Variants in NEMF observed in about 807,000 individuals in gnomAD.
NEMF encodes the protein nuclear export mediator factor.
In NEMF, 89 loss-of-function variants were observed where a neutral mutation model predicts 162.2. The ratio of observed to expected loss-of-function variants is 0.55; its 90% CI spans 0.46 to 0.65. NEMF has a LOEUF of 0.65. NEMF is among the 30% of genes least tolerant of loss of function. The pLI is 0.00. For synonymous variants in NEMF, 421 were observed against 404.5 expected (o/e 1.04, Z -0.49); for missense variants, 1,133 against 1,261.9 (o/e 0.90, Z 1.55).
chr14:49,828,945 CCTTT>C (rs1265708101), intron 13 of NEMF, 105 bp downstream of exon 13: 173 of 1,330,736 alleles, frequency 1.3e-4, no homozygotes, highest in Admixed American at 2.0e-4. Context: ...TAGTTTTTTC[CCTTT>C]CTTTGAGAAT....
In NEMF at chr14:49,829,276, C is replaced by CCA. The variant is rs1892521198; in HGVS notation, c.1024-16_1024-15dup. Reference sequence around the variant, plus strand: ...TTTGTCTATTTCCTTAAAAAACAAACCACACACATTTACTACATTGCCAGT... The same window carrying CCA: ...TTTGTCTATTTCCTTAAAAAACAAACCACACACACATTTACTACATTGCCAGT... On this transcript the variant is annotated splice_polypyrimidine_tract_variant and intron_variant, in intron 12 of 32. Coordinates refer to ENST00000298310, the MANE Select transcript of NEMF (RefSeq NM_004713.6). 1.9e-6 allele frequency: 3 copies of CCA among 1,613,758 alleles called. No individual in the cohort carries two copies. The highest frequency in any genetic ancestry group is 2.5e-6 in the Non-Finnish European group (3 of 1,179,740).
At chr14:49,836,550 G>A (rs1892913865) in intron 6 of NEMF, among the ~76,000 whole-genome samples, 1 of 152,074 alleles carries the variant, frequency 6.6e-6, no homozygotes, top group Admixed American at 6.6e-5. Flanking sequence ...GTGGGGCTGA[G>A]GCAGGAGATG....
At chr14:49,832,179 G>A (rs1001327313) in intron 9 of NEMF, 28 bp downstream of exon 9, 1 of 1,597,958 alleles carries the variant, frequency 6.3e-7, no homozygotes, top group Non-Finnish European at 8.5e-7. Flanking sequence ...AACATCCAAA[G>A]CAAATTGACC....
At chr14:49,784,811 G>C (rs1282316826) in intron 32 of NEMF, 98 bp from the exon 33 acceptor site, 91 of 1,409,622 alleles carry the variant, frequency 6.5e-5, no homozygotes, top group Middle Eastern at 1.8e-4. Context: ...TTTTAGCTGA[G>C]ATGGTTTTAC....
rs565242475 is a variant in NEMF at position 49,799,501 on chromosome 14, C to T, written c.2439G>A (p.Arg813=). ...SNSSDSKSQS[R]RHLSAKERRE... ...TTCTTTCCTTGGCTGACAAATGTCT[C>T]CGGCTCTGTGATTTACTGTCACTCT... The change falls in exon 25 of 33, where the codon CGG becomes CGA. Residue 813 remains arginine, a synonymous_variant. Coordinates refer to ENST00000298310, the MANE Select transcript of NEMF (RefSeq NM_004713.6). The T allele has an allele frequency of 4.3e-6, 7 of 1,611,870 alleles. No individual in the cohort carries two copies. In the East Asian group the frequency reaches 1.6e-4, roughly 36 times the overall value.
intron 11 of NEMF, 23 bp downstream of exon 11, chr14:49,831,276 T>C: frequency 7.5e-7 from 1 of 1,336,590 alleles, no homozygotes; most frequent in Admixed American, 1.7e-5. Flanking sequence ...GCTGGTTTAA[T>C]ATGTGTTTTT....
chr14:49,803,735 A>G (rs1303021589), intron 19 of NEMF, among the ~76,000 whole-genome samples: 1 of 151,994 alleles, frequency 6.6e-6, no homozygotes, highest in Non-Finnish European at 1.5e-5. Flanking sequence ...TATGTTGGCC[A>G]GGCTGGTCTT....
intron 4 of NEMF, among the ~76,000 whole-genome samples, chr14:49,841,973 C>T (rs529230548): frequency 1.4e-3 from 211 of 151,822 alleles, no homozygotes; most frequent in African/African-American, 4.3e-3. Context: ...GGCATGGTGG[C>T]GCATGCCTGT....
Position 49,783,024 on chromosome 14 carries a change from T to C in NEMF, c.*1612A>G. ...CTGTAAACATCACAGAGTGGCATCA[T>C]TTGTATAATTATATGCATTGTTGTA... is the stretch of plus-strand genomic sequence containing the variant. On this transcript the variant is annotated 3_prime_UTR_variant, in exon 33 of 33. Transcript: ENST00000298310. The C allele has an allele frequency of 6.7e-7, 1 of 1,500,638 alleles. No homozygotes were observed. The highest frequency in any genetic ancestry group is 9.1e-7 in the Non-Finnish European group (1 of 1,100,926). The allele number at this position is 1,500,638 out of a possible 1,614,324, so 93.0% of individuals were successfully genotyped here.
chr14:49,834,842 A>G (rs544499685), intron 6 of NEMF, among the ~76,000 whole-genome samples: 1 of 152,364 alleles, frequency 6.6e-6, no homozygotes, highest in Admixed American at 6.5e-5. Context: ...TGATCTACTC[A>G]ATAACAGTGG....
intron 15 of NEMF, among the ~76,000 whole-genome samples, chr14:49,827,781 C>G (rs1033729923): frequency 6.6e-6 from 1 of 151,722 alleles, no homozygotes; most frequent in African/African-American, 2.4e-5. Flanking sequence ...CCATTGCACT[C>G]CAGCCTGAGC....
At chr14:49,828,255 AAAC>A in intron 15 of NEMF, 33 bp downstream of exon 15, 2 of 1,433,992 alleles carry the variant, frequency 1.4e-6, no homozygotes, top group Non-Finnish European at 2.0e-6. Context: ...ACGCAGGCAC[AAAC>A]AACTAACATT....
chr14:49,807,692 G>T (rs1024657197), intron 18 of NEMF, among the ~76,000 whole-genome samples: 1 of 151,406 alleles, frequency 6.6e-6, no homozygotes, highest in Admixed American at 6.6e-5. Flanking sequence ...CACCACCTGG[G>T]AAGTGATTCT....
At chr14:49,833,518 G>GA (rs756508564) in intron 7 of NEMF, 22 bp from the exon 8 acceptor site, 4 of 1,500,718 alleles carry the variant, frequency 2.7e-6, no homozygotes, top group Admixed American at 3.8e-5. Context: ...GGAAAAAAAG[G>GA]AAAAAAGGAG....
intron 16 of NEMF, among the ~76,000 whole-genome samples, chr14:49,819,611 GC>G (rs1224865960): frequency 6.6e-6 from 1 of 151,886 alleles, no homozygotes; most frequent in Non-Finnish European, 1.5e-5. Flanking sequence ...ACGGGGTTTC[GC>G]CATGTTGCCC....
At chr14:49,821,653 G>A (rs1594772290) in intron 16 of NEMF, among the ~76,000 whole-genome samples, 1 of 113,692 alleles carries the variant, frequency 8.8e-6, no homozygotes, top group African/African-American at 3.4e-5. Flanking sequence ...TCAGCCCCCC[G>A]CCCGGCCAGC....
chr14:49,791,000 CA>C (rs36032176), intron 26 of NEMF, among the ~76,000 whole-genome samples: 2 of 151,116 alleles, frequency 1.3e-5, no homozygotes, highest in Admixed American at 6.6e-5. Context: ...TCTCAAAAAA[CA>C]AAAAAAATGT....
chr14:49,831,754 G>A (rs1892649818), intron 10 of NEMF, among the ~76,000 whole-genome samples: 1 of 152,284 alleles, frequency 6.6e-6, no homozygotes, highest in Middle Eastern at 3.4e-3. Flanking sequence ...CAGAATTTTA[G>A]ATTCCATTGT....
chr14:49,836,819 C>G (rs1053294350), intron 6 of NEMF, among the ~76,000 whole-genome samples: 1 of 152,100 alleles, frequency 6.6e-6, no homozygotes, highest in East Asian at 1.9e-4. Context: ...TAATGAGATA[C>G]CTTGGGGATG....
Sources: gnomAD v4.1 joint callset for allele counts (sites outside exome capture counted in the v4.1 genomes callset) on GRCh38, gnomAD v4.1.1 for gene constraint, MANE v1.5 for transcripts, NCBI Gene and HGNC (gene_info 2026-07-23, HGNC 2026-07-21) for gene names.